The following MBOAT2 variants were observed in gnomAD, a reference collection of about 807,000 sequenced individuals.
MBOAT2 encodes the protein membrane-bound glycerophospholipid O-acyltransferase 2.
MBOAT2 carries 28 observed loss-of-function variants against 63.4 expected under a neutral mutation model. The observed-to-expected ratio is 0.44, with a 90% confidence interval of 0.33 to 0.61. The LOEUF (loss-of-function observed/expected upper bound fraction) is 0.61, where lower values mean the gene tolerates loss of function less well. Among genes scored for constraint, MBOAT2 ranks in the 20% least tolerant of loss-of-function variants. MBOAT2 has a pLI of 0.03. For missense variants in MBOAT2, 470 were observed against 605.8 expected (o/e 0.78, Z 2.35); for synonymous variants, 211 against 215.6 (o/e 0.98, Z 0.19).
intron 4 of MBOAT2, among the ~76,000 whole-genome samples, chr2:8,906,288 T>C (rs1201367862): frequency 6.6e-6 from 1 of 152,218 alleles, no homozygotes; most frequent in Non-Finnish European, 1.5e-5. Context: ...TCACGTCCTA[T>C]ACAGCTGTTT....
chr2:8,945,535 C>T (rs530169447), intron 2 of MBOAT2, among the ~76,000 whole-genome samples: 38 of 151,960 alleles, frequency 2.5e-4, no homozygotes, highest in Non-Finnish European at 4.9e-4. Flanking sequence ...ATCATTCAAC[C>T]CTCGTGATTT....
At chr2:8,929,931 C>G (rs866252576) in intron 3 of MBOAT2, among the ~76,000 whole-genome samples, 1 of 152,076 alleles carries the variant, frequency 6.6e-6, no homozygotes, top group East Asian at 1.9e-4. Flanking sequence ...GTTTTCTTCC[C>G]CAAGAAAGCT....
chr2:8,954,187 GC>G lies in MBOAT2; in HGVS notation c.221+4309del, dbSNP rs772666341. The stretch of plus-strand genomic sequence containing the variant: ...AGGGCTTTTGGGCTTTGCTTCTATA[GC>G]CCTATACACTTCTTTTGGCAGGTTT... On this transcript the variant is annotated intron_variant, in intron 2 of 12. Coordinates refer to ENST00000305997, the MANE Select transcript of MBOAT2 (RefSeq NM_138799.4). Among the ~76,000 whole-genome samples the G allele has an allele frequency of 6.1e-4, 93 of 151,768 alleles. 1 individual carries two copies. The highest frequency in any genetic ancestry group is 2.6e-4 in the Non-Finnish European group (18 of 67,980).
intron 1 of MBOAT2, among the ~76,000 whole-genome samples, chr2:9,000,572 TTAA>T (rs2103388541): frequency 6.6e-6 from 1 of 152,366 alleles, no homozygotes; most frequent in Admixed American, 6.5e-5. Context: ...CATGTGTCAC[TTAA>T]TGATGAGGCT....
At chr2:8,925,075 C>T (rs567476009) in intron 3 of MBOAT2, among the ~76,000 whole-genome samples, 73 of 152,224 alleles carry the variant, frequency 4.8e-4, no homozygotes, top group Non-Finnish European at 8.8e-4. Flanking sequence ...TCCACAAAAA[C>T]ACATCCAGAT....
At chr2:8,940,696 GTATA>G (rs1299382201) in intron 3 of MBOAT2, among the ~76,000 whole-genome samples, 41 of 151,840 alleles carry the variant, frequency 2.7e-4, no homozygotes, top group Non-Finnish European at 5.9e-5. Flanking sequence ...GTGTGTGTGT[GTATA>G]TATATATTTG....
In MBOAT2 at chr2:8,862,422, G is replaced by A; in HGVS notation, c.1185+168C>T. The A allele has an allele frequency of 1.5e-6, 2 of 1,321,770 alleles. No individual in the cohort carries two copies. Among genetic ancestry groups the A allele is most frequent in the South Asian group, 1.4e-5 (1 of 71,678 alleles). 81.9% of individuals were successfully genotyped at this position (1,321,770 alleles called of 1,614,324 possible). On this transcript the variant is annotated intron_variant, in intron 11 of 12. Coordinates refer to ENST00000305997, the MANE Select transcript of MBOAT2 (RefSeq NM_138799.4). This position sits in a 1 kb window ranked among gnomAD's most constrained non-coding sequence, Gnocchi z 4.3. ...GAACTGGGCATGGAGCCTAGCCCGT[G>A]GTGAGCGCTCAGCAAACATGCACGC...
chr2:8,932,418 A>C (rs919034886), intron 3 of MBOAT2, among the ~76,000 whole-genome samples: 12 of 152,206 alleles, frequency 7.9e-5, no homozygotes, highest in Admixed American at 6.5e-5. Flanking sequence ...GACAGAGAAG[A>C]AGCCAGTCAC....
At chr2:8,934,426 C>T (rs1667521743) in intron 3 of MBOAT2, among the ~76,000 whole-genome samples, 1 of 152,166 alleles carries the variant, frequency 6.6e-6, no homozygotes, top group Non-Finnish European at 1.5e-5. Flanking sequence ...TCACCATTTA[C>T]TAACTTCTGT....
At chr2:8,995,361 G>T (rs1336346116) in intron 1 of MBOAT2, among the ~76,000 whole-genome samples, 1 of 152,212 alleles carries the variant, frequency 6.6e-6, no homozygotes, top group African/African-American at 2.4e-5. Context: ...CTACATATGA[G>T]ATTATACATA....
Position 8,868,493 on chromosome 2 carries a change from C to G in MBOAT2, c.940G>C (p.Ala314Pro), listed in dbSNP as rs1662062737. 2 of 1,613,968 alleles carry G rather than the reference C, an allele frequency of 1.2e-6. No homozygotes were observed. Among genetic ancestry groups the G allele is most frequent in the African/African-American group, 2.7e-5 (2 of 74,924 alleles). The change falls in exon 9 of 13, where the codon GCA becomes CCA. Residue 314 changes from alanine (A) to proline (P), a missense_variant. By Grantham distance (27) the Ala-to-Pro change is conservative. This residue lies in a region of MBOAT2 where 376 missense variants were observed against 503.8 expected (regional missense o/e 0.75). Transcript: ENST00000305997. ...TTGGAAATTAAGTCCCAGCGAGCTG[C>G]TCCATTTTCGTCATACCCTCTGAAA... ...FGFRGYDENGAARWDLISNLR... is the reference protein window; with the variant it reads ...FGFRGYDENGPARWDLISNLR...
rs543964266 is a variant in MBOAT2, at chr2:8,976,026, T to C, written c.76-17384A>G. Among the ~76,000 whole-genome samples, 24 of 152,102 alleles carry C rather than the reference T, an allele frequency of 1.6e-4. No individual in the cohort carries two copies. In the South Asian group the frequency reaches 5.0e-3, roughly 32 times the overall value. On this transcript the variant is annotated intron_variant, in intron 1 of 12. Transcript: ENST00000305997. ...ACAAGCCTGTACATCAGACACAACA[T>C]CCTCTCCTCTTCCTCCCCAGACAAC...
Position 8,873,713 on chromosome 2 carries a change from G to A in MBOAT2, c.691-413C>T, listed in dbSNP as rs143340408. On this transcript the variant is annotated intron_variant, in intron 7 of 12. Transcript: ENST00000305997. ...CTTTTCTGTATTTTCCAAATTCTAG[G>A]CATCTCATGGATGTTATTTTTACAA... Among the ~76,000 whole-genome samples, 16 of 152,096 alleles carry A rather than the reference G, an allele frequency of 1.1e-4. No homozygotes were observed. In the East Asian group the frequency reaches 2.9e-3, roughly 27 times the overall value.
At chr2:8,961,858 T>C (rs918651310) in intron 1 of MBOAT2, among the ~76,000 whole-genome samples, 4 of 152,208 alleles carry the variant, frequency 2.6e-5, no homozygotes, top group Non-Finnish European at 4.4e-5. Flanking sequence ...AAGGCCATGC[T>C]GGGACCTCCT....
intron 2 of MBOAT2, among the ~76,000 whole-genome samples, chr2:8,951,206 G>A (rs1174584785): frequency 2.1e-5 from 3 of 141,460 alleles, no homozygotes; most frequent in Admixed American, 6.8e-5. Flanking sequence ...ACTGGTACCA[G>A]CTTTTTTTTT....
At chr2:8,894,033 T>C (rs549409727) in intron 4 of MBOAT2, among the ~76,000 whole-genome samples, 3 of 152,258 alleles carry the variant, frequency 2.0e-5, no homozygotes, top group South Asian at 2.1e-4. Flanking sequence ...ACATGTGCCA[T>C]GGTGGTATGC....
intron 4 of MBOAT2, among the ~76,000 whole-genome samples, chr2:8,888,717 G>A (rs1663754126): frequency 6.6e-6 from 1 of 152,046 alleles, no homozygotes; most frequent in South Asian, 2.1e-4. Context: ...GATGACATTA[G>A]CTTACAGACA....
intron 10 of MBOAT2, among the ~76,000 whole-genome samples, chr2:8,863,433 T>C (rs1398160374): frequency 6.6e-6 from 1 of 152,172 alleles, no homozygotes; most frequent in South Asian, 2.1e-4. Context: ...ACAGGGACGA[T>C]AAGAGAACCC....
chr2:8,888,522 C>T (rs959830632), intron 4 of MBOAT2, among the ~76,000 whole-genome samples: 1 of 152,020 alleles, frequency 6.6e-6, no homozygotes, highest in South Asian at 2.1e-4. Context: ...GTTACAGACT[C>T]TAAACACAGC....
Sources: allele counts gnomAD v4.1 joint callset (sites outside exome capture counted in the v4.1 genomes callset), GRCh38; gene constraint gnomAD v4.1.1; regional missense constraint gnomAD v4.1.1; non-coding constraint Gnocchi (gnomAD v3.1); transcripts MANE v1.5; gene names NCBI Gene and HGNC (gene_info 2026-07-23, HGNC 2026-07-21).